The following MAF variants were observed in gnomAD, a reference collection of about 807,000 sequenced individuals.
MAF encodes the protein transcription factor Maf.
A neutral mutation model predicts 22.0 loss-of-function variants in MAF; 10 were observed. The observed-to-expected ratio is 0.45, with a 90% CI of 0.28 to 0.77. The LOEUF (loss-of-function observed/expected upper bound fraction) is 0.77, where lower values mean the gene tolerates loss of function less well. Among genes scored for constraint, MAF ranks in the 30% least tolerant of loss-of-function variants. MAF has a pLI of 0.12. For missense variants in MAF, 544 were observed against 548.4 expected (o/e 0.99, Z 0.08); for synonymous variants, 337 against 255.8 (o/e 1.32, Z -3.03).
At chr16:79,517,656 T>C in the MAF span, among the ~76,000 whole-genome samples, 4,753 of 147,090 alleles carry the variant, frequency 0.032, 284 homozygotes, top group African/African-American at 0.11. Flanking sequence ...CTCACTGCAA[T>C]CTCTGCCTCC....
chr16:79,486,892 G>C, the MAF span, among the ~76,000 whole-genome samples: 10 of 152,146 alleles, frequency 6.6e-5, no homozygotes, highest in Non-Finnish European at 1.0e-4. Flanking sequence ...CTGACTTGTG[G>C]AGGTCCCCCT....
At chr16:79,449,440 T>C in the MAF span, among the ~76,000 whole-genome samples, 1 of 152,236 alleles carries the variant, frequency 6.6e-6, no homozygotes, top group Non-Finnish European at 1.5e-5. Flanking sequence ...GAACCCGCAA[T>C]AGCTGTGCGG....
At chr16:79,387,980 T>A in the MAF span, among the ~76,000 whole-genome samples, 10 of 152,264 alleles carry the variant, frequency 6.6e-5, 2 homozygotes, top group African/African-American at 2.4e-4. Context: ...AAGTTCCTTG[T>A]GAATGGGCAA....
the MAF span, among the ~76,000 whole-genome samples, chr16:79,532,836 C>T: frequency 6.6e-6 from 1 of 152,222 alleles, no homozygotes; most frequent in African/African-American, 2.4e-5. Context: ...GACCTTGTCT[C>T]GCCCTCCCCA....
At chr16:79,319,562 T>C in the MAF span, among the ~76,000 whole-genome samples, 1 of 152,114 alleles carries the variant, frequency 6.6e-6, no homozygotes, top group Non-Finnish European at 1.5e-5. Flanking sequence ...CTGACGTAGG[T>C]GGAAAGGGGC....
At chr16:79,248,947 A>G in the MAF span, among the ~76,000 whole-genome samples, 1 of 152,180 alleles carries the variant, frequency 6.6e-6, no homozygotes. Flanking sequence ...AACATTTAAA[A>G]ATATATTTTA....
At chr16:79,363,957 G>A in the MAF span, among the ~76,000 whole-genome samples, 1 of 152,144 alleles carries the variant, frequency 6.6e-6, no homozygotes, top group Non-Finnish European at 1.5e-5. Flanking sequence ...AGCCTGACTG[G>A]GACCTCTTCT....
At chr16:79,265,564 G>A in the MAF span, among the ~76,000 whole-genome samples, 7 of 152,044 alleles carry the variant, frequency 4.6e-5, no homozygotes, top group South Asian at 2.1e-4. Flanking sequence ...CTTGACATAC[G>A]TACCTATGAT....
At chr16:79,508,420 G>A in the MAF span, among the ~76,000 whole-genome samples, 1 of 152,082 alleles carries the variant, frequency 6.6e-6, no homozygotes, top group African/African-American at 2.4e-5. Flanking sequence ...TCTCCTCCTG[G>A]GTGTAGGTCA....
the MAF span, among the ~76,000 whole-genome samples, chr16:79,250,990 AGTT>A: frequency 1.3e-5 from 2 of 152,192 alleles, no homozygotes; most frequent in African/African-American, 2.4e-5. Context: ...TGTAACAGTG[AGTT>A]GTTAAGTGCT....
the MAF span, among the ~76,000 whole-genome samples, chr16:79,215,894 C>T: frequency 6.6e-6 from 1 of 152,112 alleles, no homozygotes; most frequent in Non-Finnish European, 1.5e-5. Context: ...ACTGAGGCCC[C>T]GTAACAGTAG....
the MAF span, among the ~76,000 whole-genome samples, chr16:79,210,243 CAAT>C: frequency 1.3e-4 from 20 of 152,302 alleles, no homozygotes; most frequent in Admixed American, 1.0e-3. Flanking sequence ...AACCAAACAA[CAAT>C]GACAACAACA....
At chr16:79,441,151 CAA>C in the MAF span, among the ~76,000 whole-genome samples, 1 of 152,188 alleles carries the variant, frequency 6.6e-6, no homozygotes, top group African/African-American at 2.4e-5. Context: ...ATCTTGAAAA[CAA>C]AAGAGTGAGC....
the MAF span, among the ~76,000 whole-genome samples, chr16:79,474,273 T>A: frequency 1.5e-4 from 23 of 152,328 alleles, no homozygotes; most frequent in South Asian, 2.3e-3. Context: ...TATTCGCCTC[T>A]TTGGGGGAAA....
At chr16:79,595,549 T>C (rs1187850805) in intron 1 of MAF, 1 of 1,059,960 alleles carries the variant, frequency 9.4e-7, no homozygotes, top group African/African-American at 1.6e-5. Context: ...ACTGCATGAA[T>C]TTGTAACATT....
the MAF span, among the ~76,000 whole-genome samples, chr16:79,263,889 G>C: frequency 1.3e-5 from 2 of 152,248 alleles, no homozygotes; most frequent in Non-Finnish European, 2.9e-5. Context: ...ACCATTTCTA[G>C]GTGGTCCCAC....
At chr16:79,252,488 G>A in the MAF span, among the ~76,000 whole-genome samples, 2 of 151,860 alleles carry the variant, frequency 1.3e-5, no homozygotes. Context: ...GCCTGGTTTC[G>A]ATTTTTTTTC....
chr16:79,553,110 A>C, the MAF span, among the ~76,000 whole-genome samples: 1 of 152,250 alleles, frequency 6.6e-6, no homozygotes, highest in African/African-American at 2.4e-5. Context: ...CAGAGTTGAG[A>C]GGATTAAGTG....
chr16:79,500,024 G>C, the MAF span, among the ~76,000 whole-genome samples: 3 of 152,294 alleles, frequency 2.0e-5, no homozygotes, highest in Admixed American at 1.3e-4. Flanking sequence ...ACAGTAGAGA[G>C]AGATGCAGCA....
Sources: gnomAD v4.1 joint callset for allele counts (sites outside exome capture counted in the v4.1 genomes callset) on GRCh38, gnomAD v4.1.1 for gene constraint, MANE v1.5 for transcripts, NCBI Gene and HGNC (gene_info 2026-07-23, HGNC 2026-07-21) for gene names.